DESI2: variants seen among roughly 807,000 people sequenced by gnomAD.
DESI2 encodes the protein deubiquitinase DESI2.
Under a neutral mutation model 24.1 loss-of-function variants are expected in DESI2, and 10 were observed. The observed-to-expected ratio is 0.41, with a 90% CI of 0.26 to 0.70. The LOEUF (loss-of-function observed/expected upper bound fraction) is 0.70. Ranked by LOEUF, DESI2 falls within the 30% of genes least tolerant of loss-of-function variation. The pLI, the probability that DESI2 is intolerant of heterozygous loss-of-function variation, is 0.29. For missense variants in DESI2, 122 were observed against 234.9 expected (o/e 0.52, Z 3.14); for synonymous variants, 71 against 87.7 (o/e 0.81, Z 1.06).
intron 1 of DESI2, 114 bp from the exon 2 acceptor site, chr1:244,686,483 G>C: frequency 1.4e-6 from 1 of 698,956 alleles, no homozygotes; most frequent in Non-Finnish European, 2.5e-6. Flanking sequence ...AGGACCACTG[G>C]ATCGTTATCA....
At chr1:244,666,894 G>A (rs1310563246) in intron 1 of DESI2, among the ~76,000 whole-genome samples, 1 of 152,100 alleles carries the variant, frequency 6.6e-6, no homozygotes, top group Non-Finnish European at 1.5e-5. Flanking sequence ...AGAAAAATGA[G>A]GAAGAAGCAG....
chr1:244,685,464 T>G (rs1433429038), intron 1 of DESI2, among the ~76,000 whole-genome samples: 1 of 152,220 alleles, frequency 6.6e-6, no homozygotes, highest in Non-Finnish European at 1.5e-5. Context: ...ATTGTTTTAA[T>G]GAATATTTCA....
intron 1 of DESI2, among the ~76,000 whole-genome samples, chr1:244,654,925 G>A (rs1225906993): frequency 6.6e-6 from 1 of 152,174 alleles, no homozygotes; most frequent in East Asian, 1.9e-4. Flanking sequence ...ATTTAAATTA[G>A]GAGTATACAG....
rs1047942643 is a variant in DESI2, at chr1:244,706,643, G to C, written c.*854G>C. 4 of 152,556 alleles carry C rather than the reference G, an allele frequency of 2.6e-5. No individual in the cohort carries two copies. The highest frequency in any genetic ancestry group is 9.7e-5 in the African/African-American group (4 of 41,420). 9.5% of individuals were successfully genotyped at this position (152,556 alleles called of 1,614,324 possible). A position where few individuals can be genotyped will look rare whatever the true frequency, so the allele number is the denominator to read the frequency against. On this transcript the variant is annotated 3_prime_UTR_variant, in exon 5 of 5. Transcript: ENST00000302550. ...CCTTGCACAGGATTTTGATGGTGTGGGAATATCCTAAGTGGTAGCCTTCCA... is the reference window on the plus strand; with the variant it reads ...CCTTGCACAGGATTTTGATGGTGTGCGAATATCCTAAGTGGTAGCCTTCCA...
chr1:244,698,725 G>C (rs1440233075), intron 4 of DESI2, among the ~76,000 whole-genome samples: 1 of 152,170 alleles, frequency 6.6e-6, no homozygotes, highest in Admixed American at 6.5e-5. Context: ...TGGGGATCAA[G>C]GCAGATTCAG....
At chr1:244,682,892 A>C (rs1028284361) in intron 1 of DESI2, among the ~76,000 whole-genome samples, 3 of 151,932 alleles carry the variant, frequency 2.0e-5, no homozygotes, top group Non-Finnish European at 2.9e-5. Flanking sequence ...TTGTTAAAGC[A>C]CAGTAAGGCA....
At chr1:244,663,240 C>T (rs10927294) in intron 1 of DESI2, among the ~76,000 whole-genome samples, 58,816 of 151,480 alleles carry the variant, frequency 0.39, 13,049 homozygotes, top group Middle Eastern at 0.51. Flanking sequence ...GGCTGGCATC[C>T]GTCTCGGCTC....
intron 1 of DESI2, among the ~76,000 whole-genome samples, chr1:244,662,798 A>G (rs1384192867): frequency 6.6e-6 from 1 of 152,204 alleles, no homozygotes; most frequent in Admixed American, 6.5e-5. Flanking sequence ...TAGAAAGGAG[A>G]AAGTGTTCCA....
chr1:244,675,322 G>GTTGCTT (rs1054436604), intron 1 of DESI2, among the ~76,000 whole-genome samples: 22 of 151,814 alleles, frequency 1.4e-4, no homozygotes, highest in African/African-American at 5.3e-4. Context: ...TTTTTCTTTT[G>GTTGCTT]TTGCTTTTGC....
chr1:244,676,249 T>A (rs1305816857), intron 1 of DESI2, among the ~76,000 whole-genome samples: 2 of 152,030 alleles, frequency 1.3e-5, no homozygotes, highest in Non-Finnish European at 2.9e-5. Context: ...GCTCATTTTT[T>A]GTATTTTCAG....
Position 244,705,959 on chromosome 1 carries a change from G to GC in DESI2, c.*171dup. ...GTAATCAAAAAAAAAAAATCACTTG[G>GC]CGCAGGAGGGAGAACTTTGTAAGAA... is the stretch of plus-strand genomic sequence containing the variant. On this transcript the variant is annotated 3_prime_UTR_variant, in exon 5 of 5. Transcript: ENST00000302550. The GC allele has an allele frequency of 5.0e-6, 3 of 596,140 alleles. No individual in the cohort carries two copies. The South Asian group carries it at 6.3e-5, about 12-fold the overall frequency. The allele number at this position is 596,140 out of a possible 1,614,324, so 36.9% of individuals were successfully genotyped here.
chr1:244,675,219 G>T (rs1051268049), intron 1 of DESI2, among the ~76,000 whole-genome samples: 2 of 151,894 alleles, frequency 1.3e-5, no homozygotes, highest in Non-Finnish European at 2.9e-5. Flanking sequence ...TATATGACTT[G>T]CCAAAATTTT....
At chr1:244,669,197 A>G (rs183415300) in intron 1 of DESI2, among the ~76,000 whole-genome samples, 386 of 151,918 alleles carry the variant, frequency 2.5e-3, no homozygotes, top group African/African-American at 2.8e-3. Context: ...GGGTCTCACT[A>G]TGTGGCCCAG....
In DESI2 at chr1:244,709,003, T is replaced by C. The variant is rs1244212330; in HGVS notation, c.*3214T>C. The stretch of plus-strand genomic sequence containing the variant: ...TATCATGTTACAACATTGAAATACA[T>C]TGATTTATTAAAAAATACTTTTATA... On this transcript the variant is annotated 3_prime_UTR_variant, in exon 5 of 5. Coordinates refer to ENST00000302550, the MANE Select transcript of DESI2 (RefSeq NM_016076.5). 1 of 152,482 alleles carries C rather than the reference T, an allele frequency of 6.6e-6. No homozygotes were observed. The highest frequency in any genetic ancestry group is 1.5e-5 in the Non-Finnish European group (1 of 68,044). The allele number at this position is 152,482 out of a possible 1,614,324, so 9.4% of individuals were successfully genotyped here.
intron 1 of DESI2, among the ~76,000 whole-genome samples, chr1:244,662,416 A>G (rs61842419): frequency 0.05 from 7,560 of 152,264 alleles, 231 homozygotes; most frequent in Middle Eastern, 0.082. Flanking sequence ...CCAGAAGTCC[A>G]TAGATTTTTT....
At chr1:244,660,413 G>T (rs1675801472) in intron 1 of DESI2, among the ~76,000 whole-genome samples, 1 of 152,162 alleles carries the variant, frequency 6.6e-6, no homozygotes, top group African/African-American at 2.4e-5. Context: ...TGATCCACCT[G>T]CCTCGGCCGC....
intron 4 of DESI2, among the ~76,000 whole-genome samples, chr1:244,696,963 A>G (rs1418465739): frequency 6.6e-6 from 1 of 152,188 alleles, no homozygotes; most frequent in Non-Finnish European, 1.5e-5. Flanking sequence ...GACATTTCAT[A>G]TATGTTGTCA....
intron 1 of DESI2, among the ~76,000 whole-genome samples, chr1:244,671,432 C>A (rs1036296299): frequency 2.6e-5 from 4 of 152,174 alleles, no homozygotes; most frequent in African/African-American, 9.7e-5. Context: ...ATCCCACCTT[C>A]GGCAGCTGCC....
At chr1:244,683,871 A>AT (rs35465768) in intron 1 of DESI2, among the ~76,000 whole-genome samples, 36,413 of 141,638 alleles carry the variant, frequency 0.26, 4,476 homozygotes, top group South Asian at 0.33. Flanking sequence ...TACCTGGCTA[A>AT]TTTTTTTTTT....
Sources: allele counts gnomAD v4.1 joint callset (sites outside exome capture counted in the v4.1 genomes callset), GRCh38; gene constraint gnomAD v4.1.1; transcripts MANE v1.5; gene names NCBI Gene and HGNC (gene_info 2026-07-23, HGNC 2026-07-21).